Variants in DAB2IP observed in about 807,000 individuals in gnomAD.
DAB2IP encodes the protein disabled homolog 2-interacting protein.
DAB2IP carries 28 observed loss-of-function variants against 107.2 expected under a neutral mutation model. That is an observed-to-expected ratio of 0.26 (90% CI 0.19 to 0.36). DAB2IP has a LOEUF of 0.36. DAB2IP is among the 10% of genes least tolerant of loss of function. The pLI, the probability that DAB2IP is intolerant of heterozygous loss-of-function variation, is 1.00. For synonymous variants in DAB2IP, 755 were observed against 706.4 expected (o/e 1.07, Z -1.09); for missense variants, 1,400 against 1,644.7 (o/e 0.85, Z 2.57).
rs2119047164 is a variant in DAB2IP, at chr9:121,782,543, G to A, written c.*45G>A. 1 of 1,599,378 alleles carries A rather than the reference G, an allele frequency of 6.3e-7. No homozygotes were observed. On this transcript the variant is annotated 3_prime_UTR_variant, in exon 16 of 16. Transcript: ENST00000408936. The surrounding 1 kb of genome is among the most constrained non-coding windows in gnomAD (Gnocchi z 6.1). Reference sequence around the variant, plus strand: ...AGCTACCCAAGGAGAGGGGGACTATGGTGGCCAAGGGCAGGGTCTCGGCCT... The same window carrying A: ...AGCTACCCAAGGAGAGGGGGACTATAGTGGCCAAGGGCAGGGTCTCGGCCT...
In DAB2IP at chr9:121,770,647, G is replaced by C. The variant is rs750300923; in HGVS notation, c.2001G>C (p.Leu667=). 9 of 1,614,046 alleles carry C rather than the reference G, an allele frequency of 5.6e-6. No homozygotes were observed. The Admixed American group carries it at 8.3e-5, about 15-fold the overall frequency. ...GGCAGCTCCCAGGGACCAATGACCTGGCCTCCACACCGGGCTCTGGCAGCA... is the reference window on the plus strand; with the variant it reads ...GGCAGCTCCCAGGGACCAATGACCTCGCCTCCACACCGGGCTCTGGCAGCA... The change falls in exon 11 of 16, where the codon CTG becomes CTC. Residue 667 remains leucine (L), a synonymous_variant. Transcript: ENST00000408936.
chr9:121,643,516 C>T (rs1832433191), intron 1 of DAB2IP, among the ~76,000 whole-genome samples: 1 of 152,040 alleles, frequency 6.6e-6, no homozygotes, highest in African/African-American at 2.4e-5. Context: ...TCACTGTATC[C>T]TCTGCTCCAG....
chr9:121,567,144 C>T (rs771262362), exon 1 of DAB2IP: 16 of 1,613,198 alleles, frequency 9.9e-6, no homozygotes, highest in South Asian at 8.8e-5. Context: ...GAGACAGCCT[C>T]GGTTCATAAA....
At chr9:121,762,690 C>T (rs1005111081) in intron 6 of DAB2IP, among the ~76,000 whole-genome samples, 1 of 152,228 alleles carries the variant, frequency 6.6e-6, no homozygotes, top group Admixed American at 6.5e-5. Context: ...GACTGTCACC[C>T]TCCCTTGAAA....
At chr9:121,734,066 T>C (rs1221938492) in intron 3 of DAB2IP, among the ~76,000 whole-genome samples, 1 of 152,250 alleles carries the variant, frequency 6.6e-6, no homozygotes, top group Non-Finnish European at 1.5e-5. Context: ...GTGTACTCTG[T>C]ACTTTTATGT....
intron 3 of DAB2IP, among the ~76,000 whole-genome samples, chr9:121,712,046 GT>G (rs1414754230): frequency 1.3e-5 from 2 of 152,228 alleles, no homozygotes; most frequent in Non-Finnish European, 2.9e-5. Flanking sequence ...AGTCTGCACC[GT>G]TATGGATGGG....
chr9:121,717,187 C>T (rs1346962055), intron 3 of DAB2IP, among the ~76,000 whole-genome samples: 3 of 152,182 alleles, frequency 2.0e-5, no homozygotes, highest in Non-Finnish European at 2.9e-5. Context: ...ACTTCCACAT[C>T]GGCTCAGGGG....
intron 9 of DAB2IP, among the ~76,000 whole-genome samples, chr9:121,767,262 C>A (rs1354992891): frequency 1.3e-5 from 2 of 152,214 alleles, no homozygotes; most frequent in Non-Finnish European, 2.9e-5. Flanking sequence ...CACTGTTGTT[C>A]ATTCTCAAAA....
chr9:121,608,519 G>C (rs1431398555), intron 1 of DAB2IP, among the ~76,000 whole-genome samples: 2 of 152,152 alleles, frequency 1.3e-5, no homozygotes, highest in Non-Finnish European at 2.9e-5. Context: ...GCCGAGGACT[G>C]TAACTGGTTG....
intron 1 of DAB2IP, among the ~76,000 whole-genome samples, chr9:121,574,322 C>T (rs558267454): frequency 1.3e-5 from 2 of 152,212 alleles, no homozygotes; most frequent in African/African-American, 4.8e-5. Flanking sequence ...TCCATTTCCC[C>T]ATCTGTGAAA....
intron 8 of DAB2IP, among the ~76,000 whole-genome samples, chr9:121,765,835 G>A (rs907009834): frequency 3.3e-5 from 5 of 152,222 alleles, no homozygotes; most frequent in African/African-American, 1.2e-4. Flanking sequence ...GGCCAGCTCT[G>A]CCGGCTTGCT....
intron 3 of DAB2IP, among the ~76,000 whole-genome samples, chr9:121,715,879 T>G (rs1307455599): frequency 2.0e-5 from 3 of 152,192 alleles, no homozygotes; most frequent in African/African-American, 2.4e-5. Flanking sequence ...TGTGAGTTCT[T>G]GTAAACTTCC....
At chr9:121,709,650 A>C (rs963246096) in intron 3 of DAB2IP, among the ~76,000 whole-genome samples, 1 of 152,100 alleles carries the variant, frequency 6.6e-6, no homozygotes, top group African/African-American at 2.4e-5. Context: ...GCCTGTGCTC[A>C]TGTGCTCTGT....
At chr9:121,642,025 C>CTTTCTTTCTTTCTTTCTTTCTTTCTT (rs1274054146) in intron 1 of DAB2IP, among the ~76,000 whole-genome samples, 4 of 10,904 alleles carry the variant, frequency 3.7e-4, no homozygotes, top group Non-Finnish European at 3.7e-4. Context: ...CTCTCTCTCT[C>CTTTCTTTCTTTCTTTCTTTCTTTCTT]TCTCTCTTTC....
chr9:121,710,765 A>C (rs1830303134), intron 3 of DAB2IP, among the ~76,000 whole-genome samples: 1 of 152,182 alleles, frequency 6.6e-6, no homozygotes, highest in African/African-American at 2.4e-5. Flanking sequence ...TCTGCTCAGG[A>C]TCTGTGGGAA....
chr9:121,592,794 G>A (rs935034031), intron 1 of DAB2IP, among the ~76,000 whole-genome samples: 4 of 152,174 alleles, frequency 2.6e-5, no homozygotes, highest in African/African-American at 9.7e-5. Context: ...CTTGGGGAAG[G>A]TGCTGCAGGC....
intron 1 of DAB2IP, among the ~76,000 whole-genome samples, chr9:121,579,574 A>T (rs1354994075): frequency 6.6e-6 from 1 of 151,678 alleles, no homozygotes; most frequent in Non-Finnish European, 1.5e-5. Flanking sequence ...TGCCGGTACC[A>T]CCCAGACCAG....
At position 121,760,752 on chromosome 9, in the gene DAB2IP, C is replaced by T. The variant is rs1587972075; in HGVS notation, c.1170+313C>T. 6.6e-6 allele frequency among the ~76,000 whole-genome samples: 1 copy of T among 152,258 alleles called. No individual in the cohort carries two copies. Among genetic ancestry groups the T allele is most frequent in the African/African-American group, 2.4e-5 (1 of 41,558 alleles). ...CCGACCCCCTGAGGCGCCAGGGGAACAGGCTGGGTGGCCACGGCTCTCCCA... is the reference window on the plus strand; with the variant it reads ...CCGACCCCCTGAGGCGCCAGGGGAATAGGCTGGGTGGCCACGGCTCTCCCA... On this transcript the variant is annotated intron_variant, in intron 6 of 15. Transcript: ENST00000408936. The surrounding 1 kb of genome is among the most constrained non-coding windows in gnomAD (Gnocchi z 5.9).
chr9:121,592,211 C>T (rs1467388441), intron 1 of DAB2IP, among the ~76,000 whole-genome samples: 4 of 152,044 alleles, frequency 2.6e-5, no homozygotes, highest in Non-Finnish European at 5.9e-5. Context: ...CTACTGAATA[C>T]AAAAATTATC....
Sources: allele counts gnomAD v4.1 joint callset (sites outside exome capture counted in the v4.1 genomes callset), GRCh38; gene constraint gnomAD v4.1.1; non-coding constraint Gnocchi (gnomAD v3.1); transcripts MANE v1.5; gene names NCBI Gene and HGNC (gene_info 2026-07-23, HGNC 2026-07-21).